Variants in KCNMB4 observed in about 807,000 individuals in gnomAD.
KCNMB4 encodes the protein potassium calcium-activated channel subfamily M regulatory beta subunit 4.
In KCNMB4, 3 loss-of-function variants were observed where a neutral mutation model predicts 20.7. The ratio of observed to expected loss-of-function variants is 0.14; its 90% CI spans 0.07 to 0.37. The LOEUF (loss-of-function observed/expected upper bound fraction) is 0.37. Among genes scored for constraint, KCNMB4 ranks in the 10% least tolerant of loss-of-function variants. The pLI is 1.00. For synonymous variants in KCNMB4, 110 were observed against 113.4 expected, an observed-to-expected ratio of 0.97 and a Z score of 0.19; for missense variants, 168 against 265.9, an observed-to-expected ratio of 0.63 and a Z score of 2.56.
chr12:70,391,635 T>G (rs548756100), intron 1 of KCNMB4, among the ~76,000 whole-genome samples: 3 of 152,126 alleles, frequency 2.0e-5, no homozygotes, highest in Non-Finnish European at 2.9e-5. Flanking sequence ...GGTCAGAAAT[T>G]TATAAAGGAC....
chr12:70,381,166 A>G (rs752518742), intron 1 of KCNMB4, among the ~76,000 whole-genome samples: 63 of 152,306 alleles, frequency 4.1e-4, no homozygotes, highest in Non-Finnish European at 7.9e-4. Context: ...ATTTTTAGTC[A>G]TGAGGGAAAT....
At chr12:70,410,008 G>A (rs1393205914) in intron 2 of KCNMB4, among the ~76,000 whole-genome samples, 10 of 152,242 alleles carry the variant, frequency 6.6e-5, no homozygotes, top group African/African-American at 2.4e-4. Flanking sequence ...CAGTCACCTC[G>A]AGTCATTCTG....
intron 2 of KCNMB4, among the ~76,000 whole-genome samples, chr12:70,404,928 A>G (rs1475363015): frequency 6.6e-6 from 1 of 152,218 alleles, no homozygotes; most frequent in Admixed American, 6.5e-5. Flanking sequence ...TATTGTGAAC[A>G]TTTAGAGTGA....
intron 2 of KCNMB4, among the ~76,000 whole-genome samples, chr12:70,415,086 A>G (rs1868881095): frequency 6.6e-6 from 1 of 152,186 alleles, no homozygotes; most frequent in African/African-American, 2.4e-5. Context: ...CTGCCTCTGT[A>G]CCAGAAACTA....
chr12:70,367,463 G>A (rs1176848648), intron 1 of KCNMB4, among the ~76,000 whole-genome samples: 1 of 152,166 alleles, frequency 6.6e-6, no homozygotes, highest in Admixed American at 6.5e-5. Context: ...CACGGTCAAG[G>A]TCCGAGCTTC....
Position 70,433,935 on chromosome 12 carries a change from T to A in KCNMB4, c.*3282T>A, listed in dbSNP as rs1869431588. ...GCAGACTTTTAGACCTAGATTGCCT[T>A]AGAGACTGAAAAATATACGCTTTTA... is the stretch of plus-strand genomic sequence containing the variant. On this transcript the variant is annotated 3_prime_UTR_variant, in exon 3 of 3. Transcript: ENST00000258111. The A allele has an allele frequency of 6.6e-6, 1 of 152,260 alleles. No homozygotes were observed. Among genetic ancestry groups the A allele is most frequent in the African/African-American group, 2.4e-5 (1 of 41,468 alleles). 9.4% of individuals were successfully genotyped at this position (152,260 alleles called of 1,614,324 possible). A position where few individuals can be genotyped will look rare whatever the true frequency, so the allele number is the denominator to read the frequency against.
intron 2 of KCNMB4, among the ~76,000 whole-genome samples, chr12:70,420,056 C>G (rs985167116): frequency 1.3e-5 from 2 of 152,098 alleles, no homozygotes; most frequent in African/African-American, 4.8e-5. Context: ...GATTGTAGAT[C>G]TGAGTTATAA....
At chr12:70,417,564 T>G (rs1868943584) in intron 2 of KCNMB4, among the ~76,000 whole-genome samples, 1 of 152,180 alleles carries the variant, frequency 6.6e-6, no homozygotes, top group South Asian at 2.1e-4. Context: ...TTCTTGGAAA[T>G]TATCTGAAAA....
At chr12:70,401,142 C>T (rs965349724) in intron 2 of KCNMB4, among the ~76,000 whole-genome samples, 1 of 152,190 alleles carries the variant, frequency 6.6e-6, no homozygotes, top group Non-Finnish European at 1.5e-5. Flanking sequence ...TCTTGTGCCT[C>T]AGCCTCCCGA....
chr12:70,429,405 G>A (rs1206536392), intron 2 of KCNMB4, among the ~76,000 whole-genome samples: 1 of 152,132 alleles, frequency 6.6e-6, no homozygotes. Context: ...GGTGACTCAC[G>A]CCTGTAATGC....
At chr12:70,390,467 A>G (rs1197132021) in intron 1 of KCNMB4, among the ~76,000 whole-genome samples, 2 of 152,222 alleles carry the variant, frequency 1.3e-5, no homozygotes, top group African/African-American at 4.8e-5. Context: ...TCAAAAGGAG[A>G]ATAGTCACTT....
chr12:70,372,984 A>G (rs577014752), intron 1 of KCNMB4, among the ~76,000 whole-genome samples: 1 of 152,180 alleles, frequency 6.6e-6, no homozygotes, highest in Non-Finnish European at 1.5e-5. Flanking sequence ...AAACAAAGCT[A>G]TGAGCTGTGT....
At chr12:70,377,647 A>C (rs1883710942) in intron 1 of KCNMB4, among the ~76,000 whole-genome samples, 1 of 152,168 alleles carries the variant, frequency 6.6e-6, no homozygotes, top group East Asian at 1.9e-4. Flanking sequence ...TCTCTGTTGC[A>C]TGTGATGCTA....
chr12:70,426,744 C>T (rs570200618), intron 2 of KCNMB4, among the ~76,000 whole-genome samples: 49 of 152,270 alleles, frequency 3.2e-4, no homozygotes, highest in Admixed American at 8.5e-4. Flanking sequence ...AGCAAAGGGT[C>T]ATTTTAAGGA....
chr12:70,430,471 C>T lies in KCNMB4; in HGVS notation c.465-14C>T. 2 of 1,612,418 alleles carry T rather than the reference C, an allele frequency of 1.2e-6. No homozygotes were observed. The highest frequency in any genetic ancestry group is 8.5e-7 in the Non-Finnish European group (1 of 1,179,444). On this transcript the variant is annotated splice_polypyrimidine_tract_variant and intron_variant, in intron 2 of 2. Transcript: ENST00000258111. ...TTGACTGCCCTTTCTTTCTTATTCT[C>T]CATTGTCTTGCAGACCAGATGATGT...
At chr12:70,422,638 A>G in intron 2 of KCNMB4, 1 of 1,200,866 alleles carries the variant, frequency 8.3e-7, no homozygotes, top group Non-Finnish European at 1.1e-6. Context: ...TGACTTTAGA[A>G]TAAAATTCAT....
rs1869377405 is a variant in KCNMB4, at chr12:70,431,976, A to G, written c.*1323A>G. ...ATTTCCATGGAGCTGTAATATGTAT[A>G]TATGGAGTGATGGTTTCCTGACCTT... On this transcript the variant is annotated 3_prime_UTR_variant, in exon 3 of 3. Transcript: ENST00000258111. The G allele has an allele frequency of 1.3e-5, 2 of 151,600 alleles. No homozygotes were observed. Among genetic ancestry groups the G allele is most frequent in the Admixed American group, 1.3e-4 (2 of 15,232 alleles). 9.4% of individuals were successfully genotyped at this position (151,600 alleles called of 1,614,324 possible). A position where few individuals can be genotyped will look rare whatever the true frequency, so the allele number is the denominator to read the frequency against.
chr12:70,416,091 C>T (rs1016115270), intron 2 of KCNMB4, among the ~76,000 whole-genome samples: 1 of 152,130 alleles, frequency 6.6e-6, no homozygotes, highest in Non-Finnish European at 1.5e-5. Context: ...TTAGTGAAAC[C>T]ATTGGATCCT....
chr12:70,423,618 C>T (rs985951092), intron 2 of KCNMB4, among the ~76,000 whole-genome samples: 8 of 152,130 alleles, frequency 5.3e-5, no homozygotes, highest in African/African-American at 1.4e-4. Context: ...GCCAAGACTA[C>T]AGGCGTATGC....
Sources: allele counts gnomAD v4.1 joint callset (sites outside exome capture counted in the v4.1 genomes callset), GRCh38; gene constraint gnomAD v4.1.1; transcripts MANE v1.5; gene names NCBI Gene and HGNC (gene_info 2026-07-23, HGNC 2026-07-21).